Variants in RNLS observed in about 807,000 individuals in gnomAD.
RNLS encodes the protein renalase, FAD dependent amine oxidase, also known as renalase.
A neutral mutation model predicts 39.8 loss-of-function variants in RNLS; 39 were observed. The observed-to-expected ratio is 0.98, with a 90% CI of 0.76 to 1.28. The LOEUF (loss-of-function observed/expected upper bound fraction) is 1.28, where lower values mean the gene tolerates loss of function less well. Ranked by LOEUF, RNLS falls within the 50% of genes most tolerant of loss-of-function variation. The pLI, the probability that RNLS is intolerant of heterozygous loss-of-function variation, is 0.00. For missense variants in RNLS, 410 were observed against 413.3 expected, an observed-to-expected ratio of 0.99 and a Z score of 0.07; for synonymous variants, 147 against 150.7, an observed-to-expected ratio of 0.98 and a Z score of 0.18.
intron 4 of RNLS, among the ~76,000 whole-genome samples, chr10:88,376,572 T>A (rs1851018078): frequency 1.3e-5 from 2 of 152,174 alleles, no homozygotes; most frequent in African/African-American, 4.8e-5. Context: ...CAGCTCCAAC[T>A]GTTACTCAGG....
At chr10:88,495,152 T>A (rs1331598549) in intron 4 of RNLS, among the ~76,000 whole-genome samples, 1 of 152,160 alleles carries the variant, frequency 6.6e-6, no homozygotes, top group African/African-American at 2.4e-5. Context: ...CATCCCACTC[T>A]TTTTTTAAGA....
chr10:88,407,278 A>C (rs958063766), intron 4 of RNLS, among the ~76,000 whole-genome samples: 59 of 152,020 alleles, frequency 3.9e-4, no homozygotes. Flanking sequence ...AAAAGAACAT[A>C]ATATCTATCC....
At chr10:88,264,349 G>C in the RNLS span, among the ~76,000 whole-genome samples, 1 of 152,142 alleles carries the variant, frequency 6.6e-6, no homozygotes, top group South Asian at 2.1e-4. Context: ...TAGTGGTATT[G>C]CTAGATCAAA....
At chr10:88,322,230 C>T (rs1846238031) in intron 5 of RNLS, among the ~76,000 whole-genome samples, 1 of 152,150 alleles carries the variant, frequency 6.6e-6, no homozygotes. Context: ...TAAAATCCAA[C>T]ATCCTTTCAC....
intron 4 of RNLS, among the ~76,000 whole-genome samples, chr10:88,376,028 T>C (rs761012705): frequency 6.6e-6 from 1 of 152,234 alleles, no homozygotes; most frequent in East Asian, 1.9e-4. Flanking sequence ...ACAAGTTATC[T>C]GGGAGCAGCC....
intron 5 of RNLS, among the ~76,000 whole-genome samples, chr10:88,327,176 G>A (rs530600293): frequency 1.1e-4 from 16 of 152,238 alleles, no homozygotes; most frequent in Non-Finnish European, 1.8e-4. Context: ...AGTTAGTTAG[G>A]ACTTTGGCAG....
chr10:88,343,609 AT>A, intron 5 of RNLS: 1 of 985,158 alleles, frequency 1.0e-6, no homozygotes, highest in Non-Finnish European at 1.2e-6. Context: ...ATTTTCCTCT[AT>A]TTTCCTTGTA....
intron 5 of RNLS, among the ~76,000 whole-genome samples, chr10:88,361,291 G>A (rs1849621277): frequency 6.6e-6 from 1 of 152,140 alleles, no homozygotes; most frequent in African/African-American, 2.4e-5. Flanking sequence ...GTCTGTGGAG[G>A]AGACACAATT....
At chr10:88,271,407 G>A (rs1842646192), downstream of RNLS, among the ~76,000 whole-genome samples, 2 of 152,194 alleles carry the variant, frequency 1.3e-5, no homozygotes, top group Non-Finnish European at 2.9e-5. Context: ...GGAGATAAAA[G>A]CAGCATGTCT....
chr10:88,351,735 G>T (rs1848726340), intron 5 of RNLS, among the ~76,000 whole-genome samples: 1 of 152,096 alleles, frequency 6.6e-6, no homozygotes, highest in African/African-American at 2.4e-5. Flanking sequence ...TTCCAATTCT[G>T]TGAAGAAAGT....
At chr10:88,370,820 C>T (rs771886779) in intron 4 of RNLS, among the ~76,000 whole-genome samples, 5 of 152,152 alleles carry the variant, frequency 3.3e-5, no homozygotes, top group African/African-American at 1.2e-4. Flanking sequence ...TCATGAGTCA[C>T]TCCTTTCCTA....
intron 4 of RNLS, among the ~76,000 whole-genome samples, chr10:88,534,459 T>G (rs1466698864): frequency 2.0e-5 from 3 of 152,170 alleles, no homozygotes; most frequent in African/African-American, 7.2e-5. Flanking sequence ...TAAAAAATTA[T>G]TCTTCAATAA....
chr10:88,465,884 T>C (rs1418041600), intron 4 of RNLS, among the ~76,000 whole-genome samples: 1 of 152,040 alleles, frequency 6.6e-6, no homozygotes, highest in Non-Finnish European at 1.5e-5. Context: ...GTCACACTTG[T>C]GTAAGGTATT....
In RNLS at chr10:88,504,103, C is replaced by T. The variant is rs550679737; in HGVS notation, c.526+68800G>A. On this transcript the variant is annotated intron_variant, in intron 4 of 6. Coordinates refer to ENST00000331772, the MANE Select transcript of RNLS (RefSeq NM_001031709.3). ...TAGGAAGTAGATTTTCCAGTCCCAG[C>T]TAAACCTTATGAAAACTGGCCCATA... is the stretch of plus-strand genomic sequence containing the variant. Among the ~76,000 whole-genome samples the T allele has an allele frequency of 2.0e-5, 3 of 152,232 alleles. No homozygotes were observed. The South Asian group carries it at 6.2e-4, about 32-fold the overall frequency.
intron 6 of RNLS, among the ~76,000 whole-genome samples, chr10:88,307,490 A>T (rs975559002): frequency 1.5e-4 from 23 of 152,232 alleles, no homozygotes; most frequent in African/African-American, 5.3e-4. Context: ...TACAAAATCA[A>T]CGTGCAAAAA....
At chr10:88,216,554 G>A in the RNLS span, among the ~76,000 whole-genome samples, 1 of 152,176 alleles carries the variant, frequency 6.6e-6, no homozygotes. Flanking sequence ...AAAATCCTGA[G>A]AATGACACTT....
chr10:88,259,858 C>T, the RNLS span, among the ~76,000 whole-genome samples: 1 of 152,132 alleles, frequency 6.6e-6, no homozygotes, highest in South Asian at 2.1e-4. Flanking sequence ...ACTCTCCTGC[C>T]TCAGCCTCCC....
chr10:88,575,124 GTATATATATA>G (rs1174268534), intron 3 of RNLS, among the ~76,000 whole-genome samples: 149 of 98,892 alleles, frequency 1.5e-3, no homozygotes, highest in East Asian at 3.8e-3. Flanking sequence ...GTTCTGCAAA[GTATATATATA>G]TATATATATA....
chr10:88,479,089 G>C (rs1352410145), intron 4 of RNLS, among the ~76,000 whole-genome samples: 5 of 152,106 alleles, frequency 3.3e-5, no homozygotes, highest in African/African-American at 1.2e-4. Context: ...ACAATCATTT[G>C]CTAAAACTAT....
Sources: allele counts gnomAD v4.1 joint callset (sites outside exome capture counted in the v4.1 genomes callset), GRCh38; gene constraint gnomAD v4.1.1; transcripts MANE v1.5; gene names NCBI Gene and HGNC (gene_info 2026-07-23, HGNC 2026-07-21).